The following ZFPM2 variants were observed in gnomAD, a reference collection of about 807,000 sequenced individuals.
ZFPM2 encodes zinc finger protein, FOG family member 2.
A neutral mutation model predicts 98.6 loss-of-function variants in ZFPM2; 20 were observed. The ratio of observed to expected loss-of-function variants is 0.20; its 90% confidence interval spans 0.14 to 0.29. The LOEUF (loss-of-function observed/expected upper bound fraction) is 0.29. Among genes scored for constraint, ZFPM2 ranks in the 10% least tolerant of loss-of-function variants. The pLI, the probability that ZFPM2 is intolerant of heterozygous loss-of-function variation, is 1.00. For missense variants in ZFPM2, 1,310 were observed against 1,388.6 expected (o/e 0.94, Z 0.90); for synonymous variants, 518 against 502.7 (o/e 1.03, Z -0.41).
chr8:105,603,589 T>C (rs937804574), intron 4 of ZFPM2, among the ~76,000 whole-genome samples: 1 of 152,160 alleles, frequency 6.6e-6, no homozygotes, highest in Non-Finnish European at 1.5e-5. Context: ...TGTAATATTA[T>C]CTATGTTTAG....
intron 2 of ZFPM2, among the ~76,000 whole-genome samples, chr8:105,433,212 G>A (rs1336376910): frequency 1.3e-5 from 2 of 152,250 alleles, no homozygotes; most frequent in South Asian, 2.1e-4. Context: ...AGATAATACC[G>A]ATGAAAAGTT....
chr8:105,684,578 A>G (rs769821340), intron 5 of ZFPM2, among the ~76,000 whole-genome samples: 21 of 152,096 alleles, frequency 1.4e-4, no homozygotes, highest in South Asian at 4.1e-4. Flanking sequence ...AAAATTTAGC[A>G]TGGGTTAAAA....
intron 3 of ZFPM2, among the ~76,000 whole-genome samples, chr8:105,487,925 TCTATCTAG>T (rs750111487): frequency 0.019 from 2,057 of 110,950 alleles, 13 homozygotes; most frequent in Non-Finnish European, 0.031. Flanking sequence ...TATCTATCTA[TCTATCTAG>T]CTAGCTAGCT....
At chr8:105,642,554 T>C (rs1816967617) in intron 5 of ZFPM2, among the ~76,000 whole-genome samples, 1 of 152,186 alleles carries the variant, frequency 6.6e-6, no homozygotes, top group Non-Finnish European at 1.5e-5. Flanking sequence ...AGAATTTAAA[T>C]TGTTTCCTAG....
chr8:105,782,516 G>C (rs1813280261), intron 5 of ZFPM2: 1 of 152,152 alleles, frequency 6.6e-6, no homozygotes, highest in Non-Finnish European at 1.5e-5. Flanking sequence ...TTGAATGGCA[G>C]TGTAAACAAA....
At chr8:105,700,796 A>C (rs1387735248) in intron 5 of ZFPM2, among the ~76,000 whole-genome samples, 1 of 152,100 alleles carries the variant, frequency 6.6e-6, no homozygotes, top group African/African-American at 2.4e-5. Context: ...GGGTTTCACC[A>C]TGTTGGCCAG....
intron 4 of ZFPM2, among the ~76,000 whole-genome samples, chr8:105,561,984 T>C (rs1447320263): frequency 6.6e-6 from 1 of 152,226 alleles, no homozygotes; most frequent in East Asian, 1.9e-4. Flanking sequence ...GCCATGATTA[T>C]GTGGATTATT....
intron 1 of ZFPM2, among the ~76,000 whole-genome samples, chr8:105,392,809 C>A (rs1811134756): frequency 6.6e-6 from 1 of 152,150 alleles, no homozygotes; most frequent in Non-Finnish European, 1.5e-5. Context: ...CTTTGAACTT[C>A]ATTTCTTAAT....
chr8:105,792,385 T>G (rs926702437), intron 6 of ZFPM2, among the ~76,000 whole-genome samples: 1 of 152,216 alleles, frequency 6.6e-6, no homozygotes, highest in African/African-American at 2.4e-5. Context: ...TCAGTTTCCA[T>G]GTAGTTGAGC....
intron 6 of ZFPM2, among the ~76,000 whole-genome samples, chr8:105,791,125 G>A (rs376143158): frequency 1.3e-5 from 2 of 152,142 alleles, no homozygotes; most frequent in Non-Finnish European, 2.9e-5. Context: ...TTCCAACACT[G>A]TGTTGAATAG....
chr8:105,507,454 T>C (rs1418574907), intron 3 of ZFPM2, among the ~76,000 whole-genome samples: 1 of 152,220 alleles, frequency 6.6e-6, no homozygotes, highest in Admixed American at 6.5e-5. Context: ...CCATAATGAT[T>C]ATGGGCAAGT....
At chr8:105,452,246 A>G (rs1812498743) in intron 3 of ZFPM2, among the ~76,000 whole-genome samples, 1 of 152,184 alleles carries the variant, frequency 6.6e-6, no homozygotes, top group African/African-American at 2.4e-5. Context: ...TGCTTATAAC[A>G]CTATTTTAAA....
intron 4 of ZFPM2, among the ~76,000 whole-genome samples, chr8:105,586,598 T>C (rs1355476299): frequency 6.6e-6 from 1 of 151,452 alleles, no homozygotes; most frequent in Non-Finnish European, 1.5e-5. Context: ...AATTTTTGTA[T>C]TTTTAGTAGA....
At chr8:105,735,439 A>G (rs1206931124) in intron 5 of ZFPM2, among the ~76,000 whole-genome samples, 2 of 151,800 alleles carry the variant, frequency 1.3e-5, no homozygotes, top group Non-Finnish European at 2.9e-5. Context: ...CTCTATTTAT[A>G]AAAACAACTC....
intron 3 of ZFPM2, among the ~76,000 whole-genome samples, chr8:105,454,758 C>T (rs1473378481): frequency 6.6e-6 from 1 of 152,096 alleles, no homozygotes; most frequent in East Asian, 1.9e-4. Flanking sequence ...AAATACTGTT[C>T]ATAAAGAAAG....
chr8:105,439,997 G>A (rs372287732), intron 2 of ZFPM2, among the ~76,000 whole-genome samples: 1 of 152,188 alleles, frequency 6.6e-6, no homozygotes, highest in East Asian at 1.9e-4. Context: ...GGTATCCCTA[G>A]TGGCACTCAA....
chr8:105,790,897 T>C (rs1446667400), intron 6 of ZFPM2, among the ~76,000 whole-genome samples: 1 of 152,160 alleles, frequency 6.6e-6, no homozygotes, highest in African/African-American at 2.4e-5. Context: ...TCTCTGTTTG[T>C]TATTGGTGTA....
At chr8:105,676,827 T>C (rs1417558422) in intron 5 of ZFPM2, among the ~76,000 whole-genome samples, 1 of 152,096 alleles carries the variant, frequency 6.6e-6, no homozygotes, top group Non-Finnish European at 1.5e-5. Flanking sequence ...AGTTATAGAC[T>C]GGGATTGACT....
chr8:105,790,449 A>G (rs1202230992), intron 6 of ZFPM2, among the ~76,000 whole-genome samples: 1 of 152,118 alleles, frequency 6.6e-6, no homozygotes, highest in South Asian at 2.1e-4. Context: ...ATTGATCTAT[A>G]TCTATCTCTA....
Sources: allele counts gnomAD v4.1 joint callset (sites outside exome capture counted in the v4.1 genomes callset), GRCh38; gene constraint gnomAD v4.1.1; transcripts MANE v1.5; gene names NCBI Gene and HGNC (gene_info 2026-07-23, HGNC 2026-07-21).